Variants in CREBBP observed in about 807,000 individuals in gnomAD.
The protein encoded by CREBBP is CREB-binding protein.
A neutral mutation model predicts 265.0 loss-of-function variants in CREBBP; 19 were observed. That is an observed-to-expected ratio of 0.07 (90% CI 0.05 to 0.11). The LOEUF (loss-of-function observed/expected upper bound fraction) is 0.11, where lower values mean the gene tolerates loss of function less well. Among genes scored for constraint, CREBBP ranks in the 10% least tolerant of loss-of-function variants. CREBBP has a pLI of 1.00. For missense variants in CREBBP, 2,525 were observed against 3,219.0 expected (o/e 0.78, Z 5.22); for synonymous variants, 1,457 against 1,223.7 (o/e 1.19, Z -3.98).
intron 1 of CREBBP, among the ~76,000 whole-genome samples, chr16:3,859,961 C>T (rs749434494): frequency 4.6e-5 from 7 of 152,172 alleles, no homozygotes; most frequent in Non-Finnish European, 8.8e-5. Context: ...CTTGTGGGAA[C>T]CCCATTTATA....
chr16:3,798,935 C>G (rs2053659108), intron 3 of CREBBP, among the ~76,000 whole-genome samples: 1 of 152,278 alleles, frequency 6.6e-6, no homozygotes, highest in East Asian at 1.9e-4. Context: ...AATTCAAATG[C>G]CCATCAAGTG....
chr16:3,740,331 G>A (rs1346816582), intron 24 of CREBBP, 68 bp downstream of exon 24: 1 of 1,590,012 alleles, frequency 6.3e-7, no homozygotes, highest in Non-Finnish European at 8.6e-7. Flanking sequence ...GAGCTTTGCA[G>A]AGAGCAGGCT....
At chr16:3,778,217 A>C (rs1457479261) in intron 9 of CREBBP, 35 bp from the exon 10 acceptor site, 1 of 1,524,554 alleles carries the variant, frequency 6.6e-7, no homozygotes, top group Non-Finnish European at 9.1e-7. Flanking sequence ...GAAACAGTTA[A>C]AACTGTAAAA....
At chr16:3,879,702 G>T in intron 1 of CREBBP, 130 bp downstream of exon 1, 2 of 996,594 alleles carry the variant, frequency 2.0e-6, no homozygotes, top group Non-Finnish European at 3.1e-6. Context: ...GGGGCGAGGG[G>T]AACGGGCTGC....
chr16:3,793,222 G>A (rs973810552), intron 4 of CREBBP, among the ~76,000 whole-genome samples, 164 bp downstream of exon 4: 1 of 152,196 alleles, frequency 6.6e-6, no homozygotes, highest in Non-Finnish European at 1.5e-5. Flanking sequence ...TGGAGCACCT[G>A]ACTGTCGTCG....
Position 3,859,255 on chromosome 16 carries a change from C to A in CREBBP, c.86-8246G>T, listed in dbSNP as rs143620447. 1.0e-3 allele frequency among the ~76,000 whole-genome samples: 158 copies of A among 151,986 alleles called. 1 individual carries two copies. The highest frequency in any genetic ancestry group is 3.6e-3 in the African/African-American group (150 of 41,436). On this transcript the variant is annotated intron_variant, in intron 1 of 30. Transcript: ENST00000262367. ...TCGCCTAGGCTAGAGTGCAGTGGCA[C>A]GATCTTGGCTCACTGCAGCCTCTAC... is the stretch of plus-strand genomic sequence containing the variant.
In CREBBP at chr16:3,736,462, C is replaced by T. The variant is rs1306422738; in HGVS notation, c.4560+188G>A. 1.4e-5 allele frequency: 12 copies of T among 882,370 alleles called. No homozygotes were observed. The East Asian group carries it at 1.6e-4, about 12-fold the overall frequency. 54.7% of individuals were successfully genotyped at this position (882,370 alleles called of 1,614,324 possible). ...CAGCTCCAACTGTGCTGCTCTCAGA[C>T]GGCCAGGGGAAAGCCTCAATCAGCT... On this transcript the variant is annotated intron_variant, in intron 27 of 30. Coordinates refer to ENST00000262367, the MANE Select transcript of CREBBP (RefSeq NM_004380.3).
At chr16:3,858,864 G>C (rs987368150) in intron 1 of CREBBP, among the ~76,000 whole-genome samples, 1 of 152,152 alleles carries the variant, frequency 6.6e-6, no homozygotes, top group Non-Finnish European at 1.5e-5. Flanking sequence ...CCCTAGAATT[G>C]ATACACAGAT....
chr16:3,879,478 C>T (rs2055475975), intron 1 of CREBBP, among the ~76,000 whole-genome samples: 1 of 152,218 alleles, frequency 6.6e-6, no homozygotes, highest in South Asian at 2.1e-4. Context: ...TGTCATTCCT[C>T]TGGACGGCCA....
chr16:3,782,722 G>A lies in CREBBP; in HGVS notation c.1535C>T (p.Pro512Leu), dbSNP rs1406334014. 1.9e-6 allele frequency: 3 copies of A among 1,614,200 alleles called. No homozygotes were observed. Among genetic ancestry groups the A allele is most frequent in the Non-Finnish European group, 2.5e-6 (3 of 1,180,034 alleles). ...PQVPGQQPAQ[P>L]QTHQQMRTLN... ...AGTCCTCATCTGCTGGTGGGTTTGA[G>A]GCTGTGCTGGTTGCTGGCCAGGAAC... The change falls in exon 6 of 31, where the codon CCT becomes CTT. Residue 512 changes from proline (P) to leucine (L), a missense_variant. This residue lies in a region of CREBBP where 144 missense variants were observed against 134.0 expected (regional missense o/e 1.07). Transcript: ENST00000262367.
chr16:3,728,901 G>A lies in CREBBP; in HGVS notation c.6146C>T (p.Ala2049Val), dbSNP rs756453838. 6.2e-7 allele frequency: 1 copy of A among 1,606,208 alleles called. No homozygotes were observed. Among genetic ancestry groups the A allele is most frequent in the Non-Finnish European group, 8.5e-7 (1 of 1,178,762 alleles). ...VISMQAQAAV[A>V]GPRMPSVQPP... The stretch of plus-strand genomic sequence containing the variant: ...CTGCACGCTGGGCATCCGGGGCCCA[G>A]CCACGGCCGCCTGGGCCTGCATGGA... The change falls in exon 31 of 31, where the codon GCT (alanine) becomes GTT (valine). Residue 2049 changes from alanine (A) to valine (V), a missense_variant. Ala to Val is a moderately conservative substitution (Grantham distance 64). Coordinates refer to ENST00000262367, the MANE Select transcript of CREBBP (RefSeq NM_004380.3). The surrounding 1 kb of genome is among the most constrained non-coding windows in gnomAD (Gnocchi z 8.7).
rs965199175 is a variant in CREBBP, at chr16:3,814,189, G to GTGTGTGTGTT, written c.799-3411_799-3410insAACACACACA. On this transcript the variant is annotated intron_variant, in intron 2 of 30. Coordinates refer to ENST00000262367, the MANE Select transcript of CREBBP (RefSeq NM_004380.3). ...AGTGTGTGTGTGTGTGTGTGTGTGT[G>GTGTGTGTGTT]TGTGTGTTTGAGACAGAGTCTCGTT... Among the ~76,000 whole-genome samples, 27 of 149,274 alleles carry GTGTGTGTGTT rather than the reference G, an allele frequency of 1.8e-4. 1 individual carries two copies. Among genetic ancestry groups the GTGTGTGTGTT allele is most frequent in the African/African-American group, 6.6e-4 (26 of 39,332 alleles).
chr16:3,787,231 G>C (rs888399808), intron 5 of CREBBP, among the ~76,000 whole-genome samples: 2 of 152,222 alleles, frequency 1.3e-5, no homozygotes, highest in African/African-American at 4.8e-5. Flanking sequence ...GAAGCACTGA[G>C]GGGAACCCAG....
At chr16:3,861,961 AGAGAGCTCGGCC>A (rs1262776326) in intron 1 of CREBBP, among the ~76,000 whole-genome samples, 1 of 152,206 alleles carries the variant, frequency 6.6e-6, no homozygotes, top group Non-Finnish European at 1.5e-5. Flanking sequence ...CTGAAGAGCC[AGAGAGCTCGGCC>A]GGCAGCCCCC....
intron 1 of CREBBP, among the ~76,000 whole-genome samples, chr16:3,868,858 C>A (rs1453388385): frequency 6.6e-6 from 1 of 152,186 alleles, no homozygotes; most frequent in Non-Finnish European, 1.5e-5. Context: ...AGCAGGGTGC[C>A]CCACACGTAA....
chr16:3,859,270 G>A (rs532148449), intron 1 of CREBBP, among the ~76,000 whole-genome samples: 17 of 151,784 alleles, frequency 1.1e-4, no homozygotes, highest in African/African-American at 4.1e-4. Context: ...TTGGCTCACT[G>A]CAGCCTCTAC....
chr16:3,730,892 G>C (rs1468801318), intron 30 of CREBBP, among the ~76,000 whole-genome samples: 1 of 152,238 alleles, frequency 6.6e-6, no homozygotes, highest in Non-Finnish European at 1.5e-5. Flanking sequence ...CTGCCAACAG[G>C]ACAGCGGGTG....
At position 3,728,877 on chromosome 16, in the gene CREBBP, T is replaced by G. The variant is rs2151305738; in HGVS notation, c.6170A>C (p.Gln2057Pro). Reference sequence around the variant, plus strand: ...GCTGGGTGAGATGCTCCTGGGTGGCTGCACGCTGGGCATCCGGGGCCCAGC... The same window carrying G: ...GCTGGGTGAGATGCTCCTGGGTGGCGGCACGCTGGGCATCCGGGGCCCAGC... ...AVAGPRMPSVQPPRSISPSAL... is the reference protein window; with the variant it reads ...AVAGPRMPSVPPPRSISPSAL... The change falls in exon 31 of 31, where the codon CAG becomes CCG. Residue 2057 changes from glutamine (Q) to proline (P), a missense_variant. By Grantham distance (76) the Gln-to-Pro change is moderately conservative. Transcript: ENST00000262367. This position sits in a 1 kb window ranked among gnomAD's most constrained non-coding sequence, Gnocchi z 8.7. 6.2e-7 allele frequency: 1 copy of G among 1,611,906 alleles called. No homozygotes were observed. The highest frequency in any genetic ancestry group is 8.5e-7 in the Non-Finnish European group (1 of 1,179,820).
chr16:3,760,144 G>T (rs1257422639), intron 16 of CREBBP, among the ~76,000 whole-genome samples: 1 of 151,988 alleles, frequency 6.6e-6, no homozygotes, highest in East Asian at 1.9e-4. Flanking sequence ...CAGGTTGGGG[G>T]ACAATGGCAT....
Sources: allele counts gnomAD v4.1 joint callset (sites outside exome capture counted in the v4.1 genomes callset), GRCh38; gene constraint gnomAD v4.1.1; regional missense constraint gnomAD v4.1.1; non-coding constraint Gnocchi (gnomAD v3.1); transcripts MANE v1.5; gene names NCBI Gene and HGNC (gene_info 2026-07-23, HGNC 2026-07-21).